The following POU6F2 variants were observed in gnomAD, a reference collection of about 807,000 sequenced individuals.
POU6F2 encodes POU class 6 homeobox 2.
POU6F2 carries 31 observed loss-of-function variants against 71.3 expected under a neutral mutation model. The ratio of observed to expected loss-of-function variants is 0.43; its 90% CI spans 0.33 to 0.59. POU6F2 has a LOEUF of 0.59. POU6F2 is among the 20% of genes least tolerant of loss of function. The pLI, the probability that POU6F2 is intolerant of heterozygous loss-of-function variation, is 0.04. For missense variants in POU6F2, 783 were observed against 856.8 expected (o/e 0.91, Z 1.07); for synonymous variants, 347 against 355.7 (o/e 0.98, Z 0.27).
chr7:39,049,516 T>C (rs1462666215), intron 1 of POU6F2, among the ~76,000 whole-genome samples: 2 of 152,040 alleles, frequency 1.3e-5, no homozygotes, highest in Non-Finnish European at 2.9e-5. Context: ...GTTGTAGTCA[T>C]AGAACACACT....
At chr7:39,272,073 G>C (rs1784349593) in intron 4 of POU6F2, among the ~76,000 whole-genome samples, 1 of 152,066 alleles carries the variant, frequency 6.6e-6, no homozygotes, top group Non-Finnish European at 1.5e-5. Flanking sequence ...GGTAGATTTG[G>C]AGATAAATTT....
intron 1 of POU6F2, among the ~76,000 whole-genome samples, chr7:39,027,942 A>G (rs1173594633): frequency 2.6e-5 from 4 of 152,186 alleles, no homozygotes; most frequent in Non-Finnish European, 4.4e-5. Context: ...GCATATACCA[A>G]TTTATATTCC....
chr7:39,199,967 T>A (rs1009321978), intron 2 of POU6F2, among the ~76,000 whole-genome samples: 1 of 152,212 alleles, frequency 6.6e-6, no homozygotes, highest in Non-Finnish European at 1.5e-5. Flanking sequence ...TATATTATGA[T>A]CCCTTTAAAA....
chr7:39,003,004 C>A (rs78855144), intron 1 of POU6F2, among the ~76,000 whole-genome samples: 1,888 of 152,290 alleles, frequency 0.012, 19 homozygotes, highest in Non-Finnish European at 0.019. Context: ...TTGTGGAAAG[C>A]CAACACAATT....
At chr7:38,991,800 A>G (rs1243722408) in intron 1 of POU6F2, among the ~76,000 whole-genome samples, 1 of 152,058 alleles carries the variant, frequency 6.6e-6, no homozygotes, top group Admixed American at 6.6e-5. Context: ...TTGTATTTTC[A>G]GTTTAGACTG....
chr7:39,086,306 AAAGTGGTAATAATAAT>A (rs1436780613), intron 2 of POU6F2, among the ~76,000 whole-genome samples: 47 of 152,268 alleles, frequency 3.1e-4, no homozygotes, highest in African/African-American at 9.4e-4. Context: ...AAAAAAATAG[AAAGTGGTAATAATAAT>A]CAGGAAATCG....
rs73365548 is a variant in POU6F2 at position 39,157,882 on chromosome 7, A to G, written c.278-46353A>G. The stretch of plus-strand genomic sequence containing the variant: ...ACTGTTATTCCTTCTGGGGCCTATA[A>G]TAAAGCAGTAAAAATGAATGCTGGA... On this transcript the variant is annotated intron_variant, in intron 2 of 9. Transcript: ENST00000518318. 8.4e-3 allele frequency among the ~76,000 whole-genome samples: 1,281 copies of G among 152,312 alleles called. 17 individuals are homozygous for G. Among genetic ancestry groups the G allele is most frequent in the African/African-American group, 0.03 (1,232 of 41,572 alleles).
At chr7:39,087,147 AATTAATTAATTAATTTATTTATTT>A (rs1227268251) in intron 2 of POU6F2, among the ~76,000 whole-genome samples, 1 of 58,750 alleles carries the variant, frequency 1.7e-5, no homozygotes, top group Admixed American at 2.1e-4. Context: ...AGGCTTTATT[AATTAATTAATTAATTTATTTATTT>A]ATTTATTTAT....
intron 4 of POU6F2, among the ~76,000 whole-genome samples, chr7:39,262,018 G>A (rs1205478238): frequency 2.0e-5 from 3 of 152,114 alleles, no homozygotes; most frequent in Non-Finnish European, 4.4e-5. Flanking sequence ...CAATATGGAA[G>A]GGTGGAGAAA....
At chr7:39,379,722 G>C (rs1786788599) in intron 5 of POU6F2, among the ~76,000 whole-genome samples, 1 of 152,036 alleles carries the variant, frequency 6.6e-6, no homozygotes, top group Non-Finnish European at 1.5e-5. Context: ...TCCAGGGCTG[G>C]TTTCTCCTCA....
In POU6F2 at chr7:39,201,085, G is replaced by A. The variant is rs938334390; in HGVS notation, c.278-3150G>A. Among the ~76,000 whole-genome samples the A allele has an allele frequency of 7.2e-5, 11 of 152,188 alleles. No homozygotes were observed. The South Asian group carries it at 1.5e-3, about 20-fold the overall frequency. On this transcript the variant is annotated intron_variant, in intron 2 of 9. Transcript: ENST00000518318. ...TAAATAATAATAATCAAGAGAAATAGCACTTATATGGCAAGCATGCGCTGT... is the reference window on the plus strand; with the variant it reads ...TAAATAATAATAATCAAGAGAAATAACACTTATATGGCAAGCATGCGCTGT...
chr7:39,068,856 T>A (rs931778399), intron 1 of POU6F2, among the ~76,000 whole-genome samples: 2 of 152,148 alleles, frequency 1.3e-5, no homozygotes, highest in African/African-American at 4.8e-5. Context: ...CTGTTTAGCA[T>A]TCATAAAAAT....
chr7:39,130,713 T>A (rs1014244949), intron 2 of POU6F2, among the ~76,000 whole-genome samples: 1 of 152,184 alleles, frequency 6.6e-6, no homozygotes, highest in Non-Finnish European at 1.5e-5. Flanking sequence ...AATAATTTGT[T>A]TAAAAAACAT....
At chr7:39,018,746 C>A (rs1789615765) in intron 1 of POU6F2, among the ~76,000 whole-genome samples, 1 of 152,040 alleles carries the variant, frequency 6.6e-6, no homozygotes, top group African/African-American at 2.4e-5. Context: ...AGACATATAA[C>A]CTTGTATCAT....
At position 38,996,163 on chromosome 7, in the gene POU6F2, C is replaced by T. The variant is rs566931526; in HGVS notation, c.105+18105C>T. 6.6e-5 allele frequency among the ~76,000 whole-genome samples: 10 copies of T among 151,218 alleles called. 1 individual carries two copies. The South Asian group carries it at 1.5e-3, about 22-fold the overall frequency. ...CAAGCGATTCTCCTGTCTCAGCCTC[C>T]TGAGTAGCTAGGATTACAGGTGGCT... On this transcript the variant is annotated intron_variant, in intron 1 of 9. Coordinates refer to ENST00000518318, the MANE Select transcript of POU6F2 (RefSeq NM_001370959.1).
chr7:39,307,720 G>A (rs1196698874), intron 4 of POU6F2, among the ~76,000 whole-genome samples: 4 of 152,174 alleles, frequency 2.6e-5, no homozygotes, highest in Non-Finnish European at 5.9e-5. Flanking sequence ...ACTCCCACCT[G>A]TAATCCCAGC....
intron 2 of POU6F2, among the ~76,000 whole-genome samples, chr7:39,193,985 T>A (rs1354246085): frequency 6.6e-6 from 1 of 152,200 alleles, no homozygotes; most frequent in African/African-American, 2.4e-5. Flanking sequence ...ACCTGGCACA[T>A]AGAAATGTGT....
intron 1 of POU6F2, among the ~76,000 whole-genome samples, chr7:38,993,751 T>TACACATTGATGCACGG (rs1299517970): frequency 1.3e-5 from 2 of 152,178 alleles, no homozygotes; most frequent in Non-Finnish European, 2.9e-5. Flanking sequence ...ACTCCAAGTT[T>TACACATTGATGCACGG]AATGCATCAA....
intron 2 of POU6F2, among the ~76,000 whole-genome samples, chr7:39,163,249 A>G (rs1408880283): frequency 1.3e-5 from 2 of 152,248 alleles, no homozygotes; most frequent in Non-Finnish European, 2.9e-5. Flanking sequence ...ACCCATTAGT[A>G]TTGACTCAGA....
Sources: allele counts gnomAD v4.1 joint callset (sites outside exome capture counted in the v4.1 genomes callset), GRCh38; gene constraint gnomAD v4.1.1; transcripts MANE v1.5; gene names NCBI Gene and HGNC (gene_info 2026-07-23, HGNC 2026-07-21).